TIAM1: variants seen among roughly 807,000 people sequenced by gnomAD.
The protein encoded by TIAM1 is rho guanine nucleotide exchange factor TIAM1.
TIAM1 carries 65 observed loss-of-function variants against 163.5 expected under a neutral mutation model. The ratio of observed to expected loss-of-function variants is 0.40; its 90% CI spans 0.33 to 0.49. The LOEUF (loss-of-function observed/expected upper bound fraction) is 0.49. TIAM1 is among the 20% of genes least tolerant of loss of function. The pLI, the probability that TIAM1 is intolerant of heterozygous loss-of-function variation, is 0.77. For missense variants in TIAM1, 1,789 were observed against 2,044.7 expected, an observed-to-expected ratio of 0.87 and a Z score of 2.41; for synonymous variants, 833 against 810.1, an observed-to-expected ratio of 1.03 and a Z score of -0.48.
intron 2 of TIAM1, among the ~76,000 whole-genome samples, chr21:31,354,438 G>A (rs1006040239): frequency 1.3e-5 from 2 of 151,922 alleles, no homozygotes; most frequent in Non-Finnish European, 2.9e-5. Context: ...GTATTCCTGG[G>A]GCCCTTTCAC....
chr21:31,427,963 C>T (rs1402627124), intron 2 of TIAM1, among the ~76,000 whole-genome samples: 1 of 151,882 alleles, frequency 6.6e-6, no homozygotes, highest in Non-Finnish European at 1.5e-5. Flanking sequence ...CAAAAATCCT[C>T]TATAGAAACT....
intron 2 of TIAM1, among the ~76,000 whole-genome samples, chr21:31,436,358 C>G (rs1311339366): frequency 6.6e-6 from 1 of 152,206 alleles, no homozygotes; most frequent in African/African-American, 2.4e-5. Context: ...TACGCCAGAG[C>G]CAGGTGCGGT....
At chr21:31,194,884 G>A (rs2085769491) in intron 13 of TIAM1, among the ~76,000 whole-genome samples, 1 of 152,174 alleles carries the variant, frequency 6.6e-6, no homozygotes, top group African/African-American at 2.4e-5. Context: ...TTGTAGAATG[G>A]AGGCTATCCC....
intron 2 of TIAM1, among the ~76,000 whole-genome samples, chr21:31,388,526 T>C (rs2076917480): frequency 6.6e-6 from 1 of 151,630 alleles, no homozygotes; most frequent in African/African-American, 2.4e-5. Flanking sequence ...AGCATGGTGA[T>C]GCACACCTAT....
rs78629132 is a variant in TIAM1, at chr21:31,454,747, T to C, written c.-369+9236A>G. On this transcript the variant is annotated intron_variant, in intron 2 of 28. Transcript: ENST00000286827. ...GCTTGTTGGAGAAGCCATTTAAATG[T>C]GGAAAAAGAGAAAACTAGAATGAAC... Among the ~76,000 whole-genome samples the C allele has an allele frequency of 1.3e-3, 191 of 152,146 alleles. 1 individual carries two copies. The highest frequency in any genetic ancestry group is 4.5e-3 in the African/African-American group (187 of 41,494).
intron 1 of TIAM1, among the ~76,000 whole-genome samples, chr21:31,499,274 A>C (rs1221548779): frequency 6.6e-6 from 1 of 151,996 alleles, no homozygotes; most frequent in Admixed American, 6.5e-5. Flanking sequence ...TTTAACAAAG[A>C]TACAGCCAGG....
chr21:31,193,771 G>GA (rs538334534), intron 13 of TIAM1, among the ~76,000 whole-genome samples: 307 of 152,302 alleles, frequency 2.0e-3, no homozygotes, highest in African/African-American at 7.0e-3. Context: ...AAGCAAGCTG[G>GA]AAGCTTACAC....
intron 24 of TIAM1, 122 bp downstream of exon 24, chr21:31,130,768 C>T: frequency 8.7e-6 from 8 of 921,374 alleles, no homozygotes; most frequent in Non-Finnish European, 1.0e-5. Context: ...CTTAGCAATG[C>T]TTAAGAAAGA....
chr21:31,272,521 A>G (rs998798189), intron 3 of TIAM1, among the ~76,000 whole-genome samples: 2 of 152,048 alleles, frequency 1.3e-5, no homozygotes, highest in South Asian at 2.1e-4. Flanking sequence ...ACATATATTG[A>G]AACAATGTCA....
At chr21:31,351,997 G>A (rs1251304087) in intron 2 of TIAM1, among the ~76,000 whole-genome samples, 1 of 151,882 alleles carries the variant, frequency 6.6e-6, no homozygotes, top group African/African-American at 2.4e-5. Context: ...GAACCCAGGA[G>A]GCAGAGGTTG....
At chr21:31,514,285 C>T (rs1455711122) in intron 1 of TIAM1, among the ~76,000 whole-genome samples, 1 of 152,110 alleles carries the variant, frequency 6.6e-6, no homozygotes, top group Non-Finnish European at 1.5e-5. Context: ...TCCAACCAAT[C>T]TCGTTTAATG....
chr21:31,293,714 C>T (rs766678820), intron 2 of TIAM1, among the ~76,000 whole-genome samples: 3 of 152,186 alleles, frequency 2.0e-5, no homozygotes, highest in Admixed American at 6.5e-5. Flanking sequence ...CTGCGAAGAG[C>T]GGCAAGTCTT....
chr21:31,294,038 A>G (rs1175138077), intron 2 of TIAM1, among the ~76,000 whole-genome samples: 1 of 152,130 alleles, frequency 6.6e-6, no homozygotes, highest in African/African-American at 2.4e-5. Context: ...TGGATCTGAA[A>G]TCATCACCCT....
chr21:31,217,217 A>T (rs2087268743), intron 9 of TIAM1, among the ~76,000 whole-genome samples: 1 of 151,950 alleles, frequency 6.6e-6, no homozygotes, highest in Admixed American at 6.6e-5. Context: ...AAAAAAAAAA[A>T]AAGACTGCAC....
intron 25 of TIAM1, among the ~76,000 whole-genome samples, chr21:31,128,058 A>G (rs1263968184): frequency 6.6e-6 from 1 of 152,216 alleles, no homozygotes; most frequent in Non-Finnish European, 1.5e-5. Flanking sequence ...ACTTTAAGTC[A>G]TGAATAAAGT....
At chr21:31,221,211 A>G (rs1401978665) in intron 8 of TIAM1, among the ~76,000 whole-genome samples, 1 of 152,218 alleles carries the variant, frequency 6.6e-6, no homozygotes, top group Non-Finnish European at 1.5e-5. Flanking sequence ...ACAGGAGCTA[A>G]AGCAACAAAT....
Position 31,146,974 on chromosome 21 carries a change from G to A in TIAM1, c.3396C>T (p.Phe1132=). The A allele has an allele frequency of 6.2e-7, 1 of 1,614,070 alleles. No individual in the cohort carries two copies. Among genetic ancestry groups the A allele is most frequent in the East Asian group, 2.2e-5 (1 of 44,864 alleles). ...KKVLFSLGGS[F]LYYADRFKLY... is the part of the protein sequence containing the mutation. ...GCTTGAAGCGGTCAGCATAATACAGGAATGATCCCCCCAGAGAGAACAGCA... is the reference window on the plus strand; with the variant it reads ...GCTTGAAGCGGTCAGCATAATACAGAAATGATCCCCCCAGAGAGAACAGCA... Residue 1132 remains phenylalanine, a synonymous_variant, in exon 20 of 28, where the codon TTC becomes TTT. Coordinates refer to ENST00000541036, the MANE Select transcript of TIAM1 (RefSeq NM_001353694.2).
chr21:31,243,201 A>ATATATATATATATATATAT (rs1555902426), intron 6 of TIAM1, among the ~76,000 whole-genome samples: 1 of 133,598 alleles, frequency 7.5e-6, no homozygotes, highest in African/African-American at 3.1e-5. Context: ...TCAAAAAAAA[A>ATATATATATATATATATAT]AAAAAAAAAT....
In TIAM1 at chr21:31,245,440, G is replaced by A. The variant is rs758550314; in HGVS notation, c.1584+48C>T. ...GGTGCCTAGGCAAGAAAAGAAGGTAGCCAGTTCAGAGGTTTGAAATGCCCT... is the reference window on the plus strand; with the variant it reads ...GGTGCCTAGGCAAGAAAAGAAGGTAACCAGTTCAGAGGTTTGAAATGCCCT... On this transcript the variant is annotated intron_variant, in intron 6 of 27. Transcript: ENST00000541036. The A allele has an allele frequency of 7.3e-6, 9 of 1,229,094 alleles. 1 individual carries two copies. The South Asian group carries it at 2.7e-4, about 37-fold the overall frequency. 76.1% of individuals were successfully genotyped at this position (1,229,094 alleles called of 1,614,324 possible).
Sources: gnomAD v4.1 joint callset for allele counts (sites outside exome capture counted in the v4.1 genomes callset) on GRCh38, gnomAD v4.1.1 for gene constraint, MANE v1.5 for transcripts, NCBI Gene and HGNC (gene_info 2026-07-23, HGNC 2026-07-21) for gene names.